Variants in ICA1L observed in about 807,000 individuals in gnomAD.
The protein encoded by ICA1L is islet cell autoantigen 1 like.
In ICA1L, 50 loss-of-function variants were observed where a neutral mutation model predicts 61.3. The observed-to-expected ratio is 0.82, with a 90% confidence interval of 0.65 to 1.03. The LOEUF (loss-of-function observed/expected upper bound fraction) is 1.03. Among genes scored for constraint, ICA1L ranks in the 50% least tolerant of loss-of-function variants. ICA1L has a pLI of 0.00. For synonymous variants in ICA1L, 161 were observed against 191.3 expected (o/e 0.84, Z 1.31); for missense variants, 508 against 556.7 (o/e 0.91, Z 0.88).
chr2:202,817,288 A>T, intron 6 of ICA1L, 130 bp downstream of exon 6: 1 of 777,262 alleles, frequency 1.3e-6, no homozygotes, highest in Non-Finnish European at 1.9e-6. Context: ...TCTGACTTTC[A>T]TAACCTCAAT....
intron 11 of ICA1L, chr2:202,786,786 G>A: frequency 2.2e-6 from 1 of 445,490 alleles, no homozygotes; most frequent in Non-Finnish European, 4.5e-6. Flanking sequence ...CTGTAATAAT[G>A]AACAAGTAGA....
chr2:202,822,500 A>G (rs1468724541), intron 3 of ICA1L, among the ~76,000 whole-genome samples: 1 of 152,178 alleles, frequency 6.6e-6, no homozygotes, highest in African/African-American at 2.4e-5. Context: ...TTACAAAGGT[A>G]TCAGTTTACA....
At chr2:202,820,735 T>C (rs1319774556) in intron 4 of ICA1L, among the ~76,000 whole-genome samples, 1 of 152,188 alleles carries the variant, frequency 6.6e-6, no homozygotes, top group Admixed American at 6.5e-5. Context: ...TACCTCCACG[T>C]CACTTCCTTC....
intron 1 of ICA1L, among the ~76,000 whole-genome samples, chr2:202,840,010 T>C (rs1165521655): frequency 6.6e-6 from 1 of 151,828 alleles, no homozygotes; most frequent in Admixed American, 6.6e-5. Context: ...ATTTACATCT[T>C]TTTATATTGT....
chr2:202,790,076 A>C (rs1307942568), intron 10 of ICA1L, among the ~76,000 whole-genome samples: 1 of 152,188 alleles, frequency 6.6e-6, no homozygotes, highest in Non-Finnish European at 1.5e-5. Context: ...TCTGTCTATA[A>C]AACCAACCTC....
chr2:202,776,542 G>T lies in ICA1L; in HGVS notation c.*2991C>A, dbSNP rs1243283345. 6.6e-6 allele frequency: 1 copy of T among 152,122 alleles called. No individual in the cohort carries two copies. The highest frequency in any genetic ancestry group is 2.4e-5 in the African/African-American group (1 of 41,422). The allele number at this position is 152,122 out of a possible 1,614,324, so 9.4% of individuals were successfully genotyped here. ...TCCTTTCCCTCGTTTCTTCAGTGTG[G>T]TGGTTTTTTATATTAGCAGTATTGG... On this transcript the variant is annotated 3_prime_UTR_variant, in exon 13 of 13. Transcript: ENST00000358299.
intron 1 of ICA1L, chr2:202,841,346 G>A (rs1374494311): frequency 4.9e-6 from 4 of 809,114 alleles, no homozygotes; most frequent in South Asian, 2.6e-5. Context: ...GCTTAAGGCT[G>A]TTGATGTAGC....
chr2:202,782,447 G>A (rs928468918), intron 12 of ICA1L, among the ~76,000 whole-genome samples: 4 of 149,778 alleles, frequency 2.7e-5, no homozygotes, highest in Non-Finnish European at 5.9e-5. Flanking sequence ...TTGCTCTGTC[G>A]CCCAGGCTGG....
chr2:202,819,900 C>T lies in ICA1L; in HGVS notation c.360-1G>A. 1 of 1,612,448 alleles carries T rather than the reference C, an allele frequency of 6.2e-7. No homozygotes were observed. Among genetic ancestry groups the T allele is most frequent in the Non-Finnish European group, 8.5e-7 (1 of 1,178,760 alleles). ...AGACAGAGGAGTACACAGGGCCAAT[C>T]TAATGGCAGAGAGGTAAAAATCAGA... is the stretch of plus-strand genomic sequence containing the variant. On this transcript the variant is annotated splice_acceptor_variant, in intron 4 of 12. Coordinates refer to ENST00000358299, the MANE Select transcript of ICA1L (RefSeq NM_001288622.3). LOFTEE classifies it high-confidence loss of function.
intron 1 of ICA1L, among the ~76,000 whole-genome samples, chr2:202,859,278 C>A (rs1417385559): frequency 6.6e-6 from 1 of 152,140 alleles, no homozygotes; most frequent in Non-Finnish European, 1.5e-5. Flanking sequence ...AAATATAAAT[C>A]TTTTCAGGTC....
At chr2:202,871,306 C>G (rs1217589764) in intron 1 of ICA1L, 2 of 152,200 alleles carry the variant, frequency 1.3e-5, no homozygotes, top group Non-Finnish European at 2.9e-5. Context: ...GCGAGCGTGG[C>G]CGGGAGGCGC....
Position 202,828,810 on chromosome 2 carries a change from G to A in ICA1L, c.162+38C>T, listed in dbSNP as rs751880036. ...AGTTCCCCTTGGAGCCCCAAATAAT[G>A]GCTGGTTATATGCAATACATAGAAT... On this transcript the variant is annotated intron_variant, in intron 2 of 12. Transcript: ENST00000358299. The A allele has an allele frequency of 6.2e-5, 96 of 1,560,352 alleles. 1 individual carries two copies. The East Asian group carries it at 1.4e-3, about 22-fold the overall frequency.
intron 1 of ICA1L, chr2:202,841,486 T>C: frequency 1.6e-5 from 13 of 788,904 alleles, no homozygotes; most frequent in Non-Finnish European, 2.9e-5. Context: ...AAATTTGTTG[T>C]TGAGGGTCCT....
At chr2:202,806,572 G>A (rs1693232745) in intron 9 of ICA1L, among the ~76,000 whole-genome samples, 1 of 151,730 alleles carries the variant, frequency 6.6e-6, no homozygotes, top group Non-Finnish European at 1.5e-5. Flanking sequence ...CCTGAACCTG[G>A]GAAGTCAAGG....
At chr2:202,783,931 G>C (rs1574321996) in intron 12 of ICA1L, among the ~76,000 whole-genome samples, 1 of 152,070 alleles carries the variant, frequency 6.6e-6, no homozygotes, top group African/African-American at 2.4e-5. Context: ...AAGAGGATGA[G>C]TGTAAAGCAA....
intron 9 of ICA1L, among the ~76,000 whole-genome samples, chr2:202,801,648 G>A (rs1057385654): frequency 6.6e-6 from 1 of 152,208 alleles, no homozygotes; most frequent in Non-Finnish European, 1.5e-5. Context: ...TGCTGGACTT[G>A]TTAGAAGTAA....
At chr2:202,780,351 T>C (rs1383057929) in intron 12 of ICA1L, among the ~76,000 whole-genome samples, 2 of 152,272 alleles carry the variant, frequency 1.3e-5, no homozygotes, top group Non-Finnish European at 2.9e-5. Flanking sequence ...GTATGCATTT[T>C]ATCTCAGGTA....
At chr2:202,811,659 CAA>C (rs35916411) in intron 9 of ICA1L, 85 bp downstream of exon 9, 26,596 of 466,676 alleles carry the variant, frequency 0.057, 1 homozygote, top group South Asian at 0.068. Flanking sequence ...AAGACTGTCT[CAA>C]AAAAAAAAAA....
intron 1 of ICA1L, among the ~76,000 whole-genome samples, chr2:202,834,777 T>C (rs935911257): frequency 3.9e-5 from 6 of 152,234 alleles, no homozygotes; most frequent in African/African-American, 1.4e-4. Flanking sequence ...TAGTTCTTTT[T>C]CATTAAATTT....
Sources: gnomAD v4.1 joint callset for allele counts (sites outside exome capture counted in the v4.1 genomes callset) on GRCh38, gnomAD v4.1.1 for gene constraint, MANE v1.5 for transcripts, NCBI Gene and HGNC (gene_info 2026-07-23, HGNC 2026-07-21) for gene names.